PCDHGB2: variants seen among roughly 807,000 people sequenced by gnomAD.
PCDHGB2 encodes protocadherin gamma-B2.
Under a neutral mutation model 59.3 loss-of-function variants are expected in PCDHGB2, and 55 were observed. The ratio of observed to expected loss-of-function variants is 0.93; its 90% CI spans 0.75 to 1.16. The LOEUF is 1.16. PCDHGB2 is among the 50% of genes most tolerant of loss of function. The probability of loss-of-function intolerance (pLI) is 0.00; values close to 1 mark genes in which losing one functional copy is unlikely to be tolerated. For missense variants in PCDHGB2, 1,228 were observed against 1,198.5 expected, an observed-to-expected ratio of 1.02 and a Z score of -0.36; for synonymous variants, 516 against 512.0, an observed-to-expected ratio of 1.01 and a Z score of -0.11.
chr5:141,361,332 G>T lies in PCDHGB2; in HGVS notation c.1197G>T (p.Lys399Asn), dbSNP rs544332613. 9 of 1,613,816 alleles carry T rather than the reference G, an allele frequency of 5.6e-6. No homozygotes were observed. The Admixed American group carries it at 8.3e-5, about 15-fold the overall frequency. ...NAKFILKSSS[K>N]NYYKLVTDGA... ...AGTTTATTTTGAAATCTTCCTCAAAGAACTATTACAAACTAGTGACAGACG... is the reference window on the plus strand; with the variant it reads ...AGTTTATTTTGAAATCTTCCTCAAATAACTATTACAAACTAGTGACAGACG... The change falls in exon 1 of 4, where the codon AAG (lysine) becomes AAT (asparagine). Residue 399 changes from lysine to asparagine, a missense_variant. Physicochemically the swap from Lys to Asn is moderately conservative, Grantham distance 94 (BLOSUM62 0). Around this residue, in one of 3 missense-constraint regions of PCDHGB2, gnomAD observed 781 missense variants for 721.6 expected, o/e 1.08. Transcript: ENST00000522605.
Position 141,399,846 on chromosome 5 carries a change from G to T in PCDHGB2, c.2421+37290G>T, listed in dbSNP as rs377634920. 19 of 1,612,980 alleles carry T rather than the reference G, an allele frequency of 1.2e-5. No homozygotes were observed. The highest frequency in any genetic ancestry group is 5.3e-5 in the African/African-American group (4 of 75,050). On this transcript the variant is annotated intron_variant, in intron 1 of 3. Transcript: ENST00000522605. ...CCGACGGCTCTGCGCTCTTCGATAT[G>T]GTGCCGCGCGCTGCAGAGCCCGGCT...
chr5:141,441,155 T>A (rs2098229690), intron 1 of PCDHGB2: 1 of 152,230 alleles, frequency 6.6e-6, no homozygotes, highest in East Asian at 1.9e-4. Flanking sequence ...GACAATATCC[T>A]AGAGGCGATT....
At chr5:141,364,958 C>G in intron 1 of PCDHGB2, 1 of 1,613,958 alleles carries the variant, frequency 6.2e-7, no homozygotes, top group Non-Finnish European at 8.5e-7. Flanking sequence ...TGTTCACGAC[C>G]TCCTCCTCAC....
chr5:141,430,639 A>T, intron 1 of PCDHGB2: 1 of 900,712 alleles, frequency 1.1e-6, no homozygotes. Flanking sequence ...CATCCCTGGG[A>T]GTATGTGGAA....
At chr5:141,438,883 C>T (rs1026043786) in intron 1 of PCDHGB2, among the ~76,000 whole-genome samples, 4 of 151,728 alleles carry the variant, frequency 2.6e-5, no homozygotes, top group Non-Finnish European at 5.9e-5. Context: ...CCAGGCTGCT[C>T]TTGAACTCCT....
Position 141,511,208 on chromosome 5 carries a change from C to T in PCDHGB2, c.*35C>T, listed in dbSNP as rs1278180818. 27 of 1,610,922 alleles carry T rather than the reference C, an allele frequency of 1.7e-5. No individual in the cohort carries two copies. Among genetic ancestry groups the T allele is most frequent in the Non-Finnish European group, 2.3e-5 (27 of 1,178,572 alleles). ...CAGGCCAAGAGCCACAGGGCGGCCT[C>T]TCCCCAACCAGCCCAGCTTCTCCTT... On this transcript the variant is annotated 3_prime_UTR_variant, in exon 4 of 4. Coordinates refer to ENST00000522605, the MANE Select transcript of PCDHGB2 (RefSeq NM_018923.3).
Position 141,491,930 on chromosome 5 carries a change from G to A in PCDHGB2, c.2422-2877G>A, listed in dbSNP as rs2099735399. On this transcript the variant is annotated intron_variant, in intron 1 of 3. Transcript: ENST00000522605. The surrounding 1 kb of genome is among the most constrained non-coding windows in gnomAD (Gnocchi z 6.9). ...GTGGCGACTGTGGGCGAGGGGAGGT[G>A]GGACCGACCCCCACCCCTACACTCA... 1.6e-6 allele frequency: 2 copies of A among 1,276,580 alleles called. No homozygotes were observed. The highest frequency in any genetic ancestry group is 2.1e-6 in the Non-Finnish European group (2 of 943,112). 79.1% of individuals were successfully genotyped at this position (1,276,580 alleles called of 1,614,324 possible).
intron 1 of PCDHGB2, chr5:141,399,774 C>A (rs758550367): frequency 1.2e-6 from 2 of 1,613,116 alleles, no homozygotes; most frequent in South Asian, 2.2e-5. Flanking sequence ...TGTTGGTGGG[C>A]GACCGAAACG....
At chr5:141,422,007 T>A in intron 1 of PCDHGB2, 1 of 1,609,966 alleles carries the variant, frequency 6.2e-7, no homozygotes, top group Non-Finnish European at 8.5e-7. Context: ...GCTCCGGAAC[T>A]CGGGTGCTGA....
intron 2 of PCDHGB2, among the ~76,000 whole-genome samples, chr5:141,501,290 TACACACACACACACACACACAC>T (rs55762287): frequency 1.4e-4 from 19 of 136,248 alleles, no homozygotes; most frequent in Admixed American, 1.1e-3. Context: ...TATTCCCTTA[TACACACACACACACACACACAC>T]ACACACACAC....
chr5:141,421,069 A>T, intron 1 of PCDHGB2: 1 of 598,532 alleles, frequency 1.7e-6, no homozygotes, highest in Non-Finnish European at 2.8e-6. Context: ...AAGCGGAATG[A>T]GATGGATACT....
At chr5:141,430,149 C>T (rs1051033560) in intron 1 of PCDHGB2, among the ~76,000 whole-genome samples, 4 of 151,968 alleles carry the variant, frequency 2.6e-5, no homozygotes, top group African/African-American at 9.7e-5. Flanking sequence ...CAGGATCATT[C>T]AAGGAATCTA....
chr5:141,404,617 G>A (rs760355068), intron 1 of PCDHGB2: 4 of 1,614,032 alleles, frequency 2.5e-6, no homozygotes, highest in Non-Finnish European at 2.5e-6. Flanking sequence ...TTTTGGACCA[G>A]AATGACAATG....
intron 1 of PCDHGB2, among the ~76,000 whole-genome samples, chr5:141,460,628 G>C (rs2098993821): frequency 6.6e-6 from 1 of 151,958 alleles, no homozygotes; most frequent in African/African-American, 2.4e-5. Flanking sequence ...GACAGATACA[G>C]ATATATAACT....
At chr5:141,409,590 A>G (rs755702950) in intron 1 of PCDHGB2, 1 of 1,613,898 alleles carries the variant, frequency 6.2e-7, no homozygotes, top group Non-Finnish European at 8.5e-7. Context: ...CACGTGGCCG[A>G]GAACAACCCG....
chr5:141,371,867 C>T (rs1452583584), intron 1 of PCDHGB2: 3 of 1,613,430 alleles, frequency 1.9e-6, no homozygotes, highest in African/African-American at 1.3e-5. Context: ...CCTACTACAT[C>T]GTGGCCAGTG....
At chr5:141,372,808 A>G in intron 1 of PCDHGB2, 1 of 1,589,102 alleles carries the variant, frequency 6.3e-7, no homozygotes, top group South Asian at 1.1e-5. Flanking sequence ...AATTTGCAAA[A>G]GGTGAGTTTC....
At chr5:141,414,930 C>A (rs561548499) in intron 1 of PCDHGB2, 1 of 1,614,156 alleles carries the variant, frequency 6.2e-7, no homozygotes, top group South Asian at 1.1e-5. Flanking sequence ...CGCCCCGCTC[C>A]GCAGAGCCCG....
chr5:141,412,923 G>A, intron 1 of PCDHGB2: 1 of 420,946 alleles, frequency 2.4e-6, no homozygotes, highest in East Asian at 3.6e-5. Flanking sequence ...CTTGGGTGCA[G>A]TAACTTCTTA....
Sources: gnomAD v4.1 joint callset for allele counts (sites outside exome capture counted in the v4.1 genomes callset) on GRCh38, gnomAD v4.1.1 for gene constraint, gnomAD v4.1.1 regional missense constraint, Gnocchi (gnomAD v3.1) non-coding constraint, MANE v1.5 for transcripts, NCBI Gene and HGNC (gene_info 2026-07-23, HGNC 2026-07-21) for gene names.